The following FAM184A variants were observed in gnomAD, a reference collection of about 807,000 sequenced individuals.
FAM184A encodes the protein family with sequence similarity 184 member A.
In FAM184A, 99 loss-of-function variants were observed where a neutral mutation model predicts 143.8. The ratio of observed to expected loss-of-function variants is 0.69; its 90% CI spans 0.58 to 0.81. The LOEUF (loss-of-function observed/expected upper bound fraction) is 0.81, where lower values mean the gene tolerates loss of function less well. Ranked by LOEUF, FAM184A falls within the 40% of genes least tolerant of loss-of-function variation. The pLI, the probability that FAM184A is intolerant of heterozygous loss-of-function variation, is 0.00. For missense variants in FAM184A, 1,217 were observed against 1,310.5 expected, an observed-to-expected ratio of 0.93 and a Z score of 1.10; for synonymous variants, 427 against 446.4, an observed-to-expected ratio of 0.96 and a Z score of 0.55.
intron 1 of FAM184A, among the ~76,000 whole-genome samples, chr6:119,103,383 C>T: frequency 6.6e-6 from 1 of 152,166 alleles, no homozygotes. Flanking sequence ...ATTATTTAAG[C>T]CAATCTGGCT....
intron 1 of FAM184A, among the ~76,000 whole-genome samples, chr6:119,122,898 C>G (rs1789260466): frequency 8.8e-6 from 1 of 113,676 alleles, no homozygotes; most frequent in African/African-American, 3.8e-5. Flanking sequence ...GTACTCCAGC[C>G]TGAGCAACGG....
intron 1 of FAM184A, among the ~76,000 whole-genome samples, chr6:119,062,507 A>G (rs1211485383): frequency 3.3e-5 from 5 of 152,024 alleles, no homozygotes; most frequent in African/African-American, 1.2e-4. Context: ...AAAAATACAA[A>G]AATTAGCCGG....
chr6:119,005,501 C>G (rs963997286), intron 7 of FAM184A: 1 of 152,126 alleles, frequency 6.6e-6, no homozygotes, highest in African/African-American at 2.4e-5. Context: ...TAGTAAAAGG[C>G]AGTATTTACT....
intron 3 of FAM184A, among the ~76,000 whole-genome samples, chr6:119,022,268 A>T (rs1785474339): frequency 6.6e-6 from 1 of 151,518 alleles, no homozygotes; most frequent in South Asian, 2.1e-4. Flanking sequence ...CTCGTTGGTC[A>T]GGCTGGTCTC....
intron 2 of FAM184A, 33 bp from the exon 3 acceptor site, chr6:119,023,113 C>A: frequency 6.2e-7 from 1 of 1,609,730 alleles, no homozygotes; most frequent in Non-Finnish European, 8.5e-7. Context: ...TGTTAAAATG[C>A]AGGAATAATA....
intron 1 of FAM184A, among the ~76,000 whole-genome samples, chr6:119,122,612 T>G (rs1789248775): frequency 6.6e-6 from 1 of 152,142 alleles, no homozygotes; most frequent in South Asian, 2.1e-4. Context: ...GCTTCCTGCT[T>G]CTTCTCCATG....
At chr6:118,962,167 C>T (rs1185501434) in intron 16 of FAM184A, 1 of 576,668 alleles carries the variant, frequency 1.7e-6, no homozygotes, top group Non-Finnish European at 3.1e-6. Context: ...CAAAGACAGA[C>T]ATGCTACCAG....
rs140670624 is a variant in FAM184A at position 119,108,015 on chromosome 6, G to C, written c.-202+41063C>G. ...GTTAATCAGGTATTGTTCTATGCGT[G>C]ACTAGGGTTCTCCAGAGAGCAGAAT... On this transcript the variant is annotated intron_variant, in intron 1 of 16. Coordinates refer to the FAM184A transcript ENST00000352896. Among the ~76,000 whole-genome samples, 99 of 152,232 alleles carry C rather than the reference G, an allele frequency of 6.5e-4. No homozygotes were observed. The East Asian group carries it at 0.019, about 29-fold the overall frequency.
At chr6:119,115,994 C>T (rs933179880) in intron 1 of FAM184A, among the ~76,000 whole-genome samples, 1 of 151,548 alleles carries the variant, frequency 6.6e-6, no homozygotes, top group Non-Finnish European at 1.5e-5. Context: ...CACACACACA[C>T]ACACACACAC....
chr6:119,117,754 A>C (rs1012283211), intron 1 of FAM184A, among the ~76,000 whole-genome samples: 1 of 152,222 alleles, frequency 6.6e-6, no homozygotes, highest in African/African-American at 2.4e-5. Flanking sequence ...GAAATGGAGG[A>C]CTTGAACCCT....
intron 1 of FAM184A, among the ~76,000 whole-genome samples, chr6:119,060,403 A>G (rs1787185020): frequency 6.6e-6 from 1 of 152,258 alleles, no homozygotes; most frequent in Admixed American, 6.5e-5. Context: ...CTGGCAAGAC[A>G]GTGGCTAAAG....
intron 1 of FAM184A, among the ~76,000 whole-genome samples, chr6:119,131,790 C>A (rs1047812273): frequency 7.9e-5 from 12 of 151,710 alleles, no homozygotes; most frequent in Non-Finnish European, 1.3e-4. Context: ...GCCTTATACA[C>A]TTTTATAACC....
At chr6:119,117,190 A>T (rs112952322) in intron 1 of FAM184A, among the ~76,000 whole-genome samples, 4 of 152,324 alleles carry the variant, frequency 2.6e-5, no homozygotes, top group African/African-American at 9.6e-5. Flanking sequence ...TCTGTGGATC[A>T]TTTTGTGTGT....
chr6:118,993,580 T>C (rs1400904843), intron 9 of FAM184A, among the ~76,000 whole-genome samples: 2 of 152,194 alleles, frequency 1.3e-5, no homozygotes, highest in African/African-American at 4.8e-5. Context: ...ACAGGGTAAA[T>C]GATTAACAAA....
intron 10 of FAM184A, 72 bp downstream of exon 10, chr6:118,980,065 AT>A (rs1215375876): frequency 1.5e-6 from 2 of 1,362,982 alleles, no homozygotes; most frequent in Non-Finnish European, 2.0e-6. Context: ...AGAAAAAAAA[AT>A]TTTTTTAATT....
At chr6:119,058,772 G>A (rs749328725) in intron 1 of FAM184A, among the ~76,000 whole-genome samples, 1 of 151,994 alleles carries the variant, frequency 6.6e-6, no homozygotes, top group Non-Finnish European at 1.5e-5. Flanking sequence ...GGTATCAGAT[G>A]AGTAAAAAAG....
intron 1 of FAM184A, among the ~76,000 whole-genome samples, chr6:119,116,228 A>G (rs951549471): frequency 2.0e-5 from 3 of 152,154 alleles, no homozygotes; most frequent in Non-Finnish European, 4.4e-5. Flanking sequence ...CCAGTAGTCC[A>G]TTATCCTAAG....
At chr6:119,074,355 G>C (rs969715063) in intron 1 of FAM184A, among the ~76,000 whole-genome samples, 1 of 152,202 alleles carries the variant, frequency 6.6e-6, no homozygotes, top group Non-Finnish European at 1.5e-5. Context: ...GCAAGAGACA[G>C]AGCAAGAGAC....
chr6:119,133,074 T>C (rs1213082914), intron 1 of FAM184A, among the ~76,000 whole-genome samples: 1 of 152,210 alleles, frequency 6.6e-6, no homozygotes, highest in Non-Finnish European at 1.5e-5. Context: ...TGCTTGTTTA[T>C]ACTCAATTGT....
Sources: gnomAD v4.1 joint callset for allele counts (sites outside exome capture counted in the v4.1 genomes callset) on GRCh38, gnomAD v4.1.1 for gene constraint, MANE v1.5 for transcripts, NCBI Gene and HGNC (gene_info 2026-07-23, HGNC 2026-07-21) for gene names.